GPC4: variants seen among roughly 807,000 people sequenced by gnomAD.
GPC4 encodes glypican 4.
In GPC4, 10 loss-of-function variants were observed where a neutral mutation model predicts 35.0. That is an observed-to-expected ratio of 0.29 (90% CI 0.18 to 0.48). GPC4 has a LOEUF of 0.48. GPC4 is among the 20% of genes least tolerant of loss of function. The pLI, the probability that GPC4 is intolerant of heterozygous loss-of-function variation, is 0.99. For missense variants in GPC4, 322 were observed against 451.3 expected (o/e 0.71, Z 2.60); for synonymous variants, 167 against 170.2 (o/e 0.98, Z 0.15).
intron 1 of GPC4, among the ~76,000 whole-genome samples, chrX:133,411,166 G>A (rs746087960): frequency 8.9e-6 from 1 of 112,373 alleles, no homozygotes; most frequent in South Asian, 3.7e-4. Flanking sequence ...ACATATGTAT[G>A]TGTGTGTGAG....
chrX:133,323,237 G>A (rs968189955), intron 3 of GPC4, among the ~76,000 whole-genome samples: 12 of 111,874 alleles, frequency 1.1e-4, no homozygotes, highest in Non-Finnish European at 1.9e-4. Flanking sequence ...CCAGCACTCT[G>A]AGAGGCCAAG....
chrX:133,366,548 A>G (rs1468250572), intron 1 of GPC4, among the ~76,000 whole-genome samples: 3 of 111,761 alleles, frequency 2.7e-5, no homozygotes, highest in Non-Finnish European at 5.6e-5. Context: ...AAAATGATTT[A>G]TAATAGGATG....
intron 1 of GPC4, among the ~76,000 whole-genome samples, chrX:133,342,704 A>G (rs1345171072): frequency 8.9e-6 from 1 of 111,854 alleles, no homozygotes; most frequent in African/African-American, 3.3e-5. Flanking sequence ...AGTGCTAATG[A>G]GAAGCACAGG....
chrX:133,381,726 T>C (rs1467843142), intron 1 of GPC4, among the ~76,000 whole-genome samples: 2 of 112,695 alleles, frequency 1.8e-5, no homozygotes, highest in African/African-American at 6.5e-5. Flanking sequence ...ACTTTTTTAA[T>C]GTGTCAGTGG....
In GPC4 at chrX:133,333,245, T is replaced by G. The variant is rs760793899; in HGVS notation, c.319+5938A>C. On this transcript the variant is annotated intron_variant, in intron 2 of 8. Coordinates refer to ENST00000370828, the MANE Select transcript of GPC4 (RefSeq NM_001448.3). ...CCAAAGAGCAATGAACCAACAGAGTTGATAAAAGCAGTTCATCTGAAGCTC... is the reference window on the plus strand; with the variant it reads ...CCAAAGAGCAATGAACCAACAGAGTGGATAAAAGCAGTTCATCTGAAGCTC... Among the ~76,000 whole-genome samples, 6 of 112,595 alleles carry G rather than the reference T, an allele frequency of 5.3e-5. No individual in the cohort carries two copies. In the South Asian group the frequency reaches 2.2e-3, roughly 42 times the overall value.
rs1323856743 is a variant in GPC4 at position 133,311,314 on chromosome X, A to G, written c.821T>C (p.Met274Thr). 1 of 1,210,328 alleles carries G rather than the reference A, an allele frequency of 8.3e-7. No individual in the cohort carries two copies. Among genetic ancestry groups the G allele is most frequent in the Non-Finnish European group, 1.1e-6 (1 of 895,122 alleles). ...KPCYNYCSNI[M>T]RGCLANQGDL... The stretch of plus-strand genomic sequence containing the variant: ...CCCTTGGTTGGCCAAACAGCCTCTC[A>G]TGATGTTTGAGCAGTAGTTGTAACA... Residue 274 changes from methionine (M) to threonine (T), a missense_variant, in exon 4 of 9, where the codon ATG (methionine) becomes ACG (threonine). Met to Thr is a moderately conservative substitution (Grantham distance 81). Around this residue, in one of 3 missense-constraint regions of GPC4, gnomAD observed 163 missense variants for 277.2 expected, o/e 0.59. Coordinates refer to ENST00000370828, the MANE Select transcript of GPC4 (RefSeq NM_001448.3).
At chrX:133,366,289 G>C (rs1266129909) in intron 1 of GPC4, among the ~76,000 whole-genome samples, 2 of 112,231 alleles carry the variant, frequency 1.8e-5, no homozygotes, top group Non-Finnish European at 3.8e-5. Flanking sequence ...GGATCTTAGA[G>C]ATATTTCCAA....
chrX:133,311,093 AAT>A (rs1319253701), intron 4 of GPC4, among the ~76,000 whole-genome samples, 163 bp downstream of exon 4: 2 of 112,629 alleles, frequency 1.8e-5, no homozygotes, highest in Non-Finnish European at 3.7e-5. Context: ...CACTTGCAGT[AAT>A]GTTTTTACTA....
Position 133,302,726 on chromosome X carries a change from A to G in GPC4, c.*141T>C. The G allele has an allele frequency of 1.8e-6, 1 of 544,700 alleles. No individual in the cohort carries two copies. The highest frequency in any genetic ancestry group is 3.2e-5 in the South Asian group (1 of 31,744). 44.9% of individuals were successfully genotyped at this position (544,700 alleles called of 1,213,427 possible). Reference sequence around the variant, plus strand: ...AACTGAATGAGAAAACAAAGTCAGCACTTCTTAAACCAGTGGCCACATAGT... The same window carrying G: ...AACTGAATGAGAAAACAAAGTCAGCGCTTCTTAAACCAGTGGCCACATAGT... On this transcript the variant is annotated 3_prime_UTR_variant, in exon 9 of 9. Coordinates refer to ENST00000370828, the MANE Select transcript of GPC4 (RefSeq NM_001448.3).
chrX:133,303,482 GTATTTCC>G, intron 7 of GPC4, 141 bp from the exon 8 acceptor site: 1 of 470,061 alleles, frequency 2.1e-6, no homozygotes, highest in Non-Finnish European at 3.4e-6. Context: ...CTAGATTCTA[GTATTTCC>G]ACTAAGCAAA....
chrX:133,325,288 GAGAGAGAGAGAC>G lies in GPC4; in HGVS notation c.320-764_320-753del, dbSNP rs1457659363. On this transcript the variant is annotated intron_variant, in intron 2 of 8. Transcript: ENST00000370828. Reference sequence around the variant, plus strand: ...AGTGTGTGTGTGAGTGTGTGTGTGTGAGAGAGAGAGACAGAGAGAGAGAGAGCACATGCATAA... The same window carrying G: ...AGTGTGTGTGTGAGTGTGTGTGTGTGAGAGAGAGAGAGAGCACATGCATAA... Among the ~76,000 whole-genome samples, 36 of 106,324 alleles carry G rather than the reference GAGAGAGAGAGAC, an allele frequency of 3.4e-4. No individual in the cohort carries two copies. In the East Asian group the frequency reaches 8.6e-3, roughly 25 times the overall value. 92.3% of individuals were successfully genotyped at this position (106,324 alleles called of 115,157 possible). A position where few individuals can be genotyped will look rare whatever the true frequency, so the allele number is the denominator to read the frequency against.
At chrX:133,347,249 T>TTG (rs2068496070) in intron 1 of GPC4, among the ~76,000 whole-genome samples, 1 of 8,603 alleles carries the variant, frequency 1.2e-4, no homozygotes, top group Non-Finnish European at 3.2e-4. Flanking sequence ...CTATTAGAAG[T>TTG]TTTTTTTTTT....
intron 2 of GPC4, among the ~76,000 whole-genome samples, chrX:133,337,164 T>C (rs1398803486): frequency 2.7e-5 from 3 of 112,438 alleles, no homozygotes; most frequent in Admixed American, 9.4e-5. Flanking sequence ...TGGAGTTTCA[T>C]AATCATTAAA....
chrX:133,316,209 C>T (rs1294310270), intron 3 of GPC4, among the ~76,000 whole-genome samples: 1 of 111,674 alleles, frequency 9.0e-6, no homozygotes, highest in Non-Finnish European at 1.9e-5. Flanking sequence ...ATTCTCAGTA[C>T]TCTACATGTA....
intron 4 of GPC4, among the ~76,000 whole-genome samples, chrX:133,307,966 A>C (rs940171969): frequency 9.0e-6 from 1 of 111,588 alleles, no homozygotes; most frequent in Non-Finnish European, 1.9e-5. Flanking sequence ...TATACACAAG[A>C]GCCTGGGAAT....
chrX:133,310,182 C>A (rs190907072), intron 4 of GPC4, among the ~76,000 whole-genome samples: 137 of 111,193 alleles, frequency 1.2e-3, no homozygotes, highest in African/African-American at 4.2e-3. Flanking sequence ...CACCTCCCCC[C>A]AAAAAACCAA....
intron 2 of GPC4, among the ~76,000 whole-genome samples, chrX:133,333,022 C>T (rs1363195374): frequency 2.7e-5 from 3 of 112,228 alleles, no homozygotes; most frequent in Non-Finnish European, 3.8e-5. Context: ...CATTGCTCTG[C>T]TAATTCTTTC....
chrX:133,305,753 T>C lies in GPC4; in HGVS notation c.1155+19A>G. On this transcript the variant is annotated intron_variant, in intron 6 of 8. Coordinates refer to ENST00000370828, the MANE Select transcript of GPC4 (RefSeq NM_001448.3). ...AGTTCTTTGTCATTAAACACGGCCC[T>C]TCCTGCCAAAACGCTCACCAGTCGG... is the stretch of plus-strand genomic sequence containing the variant. 8.3e-7 allele frequency: 1 copy of C among 1,208,466 alleles called. No homozygotes were observed. Among genetic ancestry groups the C allele is most frequent in the African/African-American group, 1.7e-5 (1 of 57,795 alleles).
intron 1 of GPC4, among the ~76,000 whole-genome samples, chrX:133,342,288 C>A (rs911772911): frequency 3.6e-5 from 4 of 110,748 alleles, no homozygotes; most frequent in Middle Eastern, 4.7e-3. Flanking sequence ...CCACCCGCCT[C>A]GGCCTCCCAA....
Sources: allele counts gnomAD v4.1 joint callset (sites outside exome capture counted in the v4.1 genomes callset), GRCh38; gene constraint gnomAD v4.1.1; regional missense constraint gnomAD v4.1.1; transcripts MANE v1.5; gene names NCBI Gene and HGNC (gene_info 2026-07-23, HGNC 2026-07-21).